SPICE1: variants seen among roughly 807,000 people sequenced by gnomAD.
SPICE1 encodes the protein spindle and centriole associated protein 1.
In SPICE1, 75 loss-of-function variants were observed where a neutral mutation model predicts 102.7. The ratio of observed to expected loss-of-function variants is 0.73; its 90% CI spans 0.61 to 0.88. SPICE1 has a LOEUF of 0.88. Ranked by LOEUF, SPICE1 falls within the 40% of genes least tolerant of loss-of-function variation. The pLI, the probability that SPICE1 is intolerant of heterozygous loss-of-function variation, is 0.00. For synonymous variants in SPICE1, 308 were observed against 350.3 expected (o/e 0.88, Z 1.35); for missense variants, 979 against 1,020.1 (o/e 0.96, Z 0.55).
chr3:113,477,996 T>A (rs558422944), intron 7 of SPICE1, among the ~76,000 whole-genome samples: 1 of 149,758 alleles, frequency 6.7e-6, no homozygotes, highest in Non-Finnish European at 1.5e-5. Flanking sequence ...AAAATTTAAC[T>A]GACATACCTG....
intron 1 of SPICE1, among the ~76,000 whole-genome samples, chr3:113,509,027 C>T (rs1419746491): frequency 6.6e-6 from 1 of 151,982 alleles, no homozygotes; most frequent in African/African-American, 2.4e-5. Context: ...TATGATGTGT[C>T]CAGAATAAGT....
At chr3:113,470,288 G>A (rs902607642) in intron 7 of SPICE1, among the ~76,000 whole-genome samples, 4 of 152,178 alleles carry the variant, frequency 2.6e-5, no homozygotes, top group African/African-American at 7.2e-5. Flanking sequence ...TAGTAAAGTC[G>A]CTGTTAGGAA....
chr3:113,474,413 G>C (rs1338636655), intron 7 of SPICE1, among the ~76,000 whole-genome samples: 2 of 152,106 alleles, frequency 1.3e-5, no homozygotes, highest in African/African-American at 4.8e-5. Context: ...CCCAGGAATT[G>C]AACTCAGCTC....
At chr3:113,450,152 G>A (rs141979831) in intron 15 of SPICE1, 184 bp downstream of exon 15, 259 of 618,432 alleles carry the variant, frequency 4.2e-4, no homozygotes, top group African/African-American at 4.0e-3. Flanking sequence ...ATAATCAGGA[G>A]ATCTGCCTTC....
chr3:113,469,554 A>G (rs1385750712), intron 7 of SPICE1, among the ~76,000 whole-genome samples: 1 of 147,588 alleles, frequency 6.8e-6, no homozygotes, highest in Non-Finnish European at 1.5e-5. Flanking sequence ...TATCTAATTT[A>G]TATGTATATT....
chr3:113,461,090 A>G (rs1935923242), intron 11 of SPICE1, among the ~76,000 whole-genome samples: 1 of 152,090 alleles, frequency 6.6e-6, no homozygotes, highest in Non-Finnish European at 1.5e-5. Context: ...ACCTCTTCAT[A>G]TAGATGTTTC....
intron 1 of SPICE1, among the ~76,000 whole-genome samples, chr3:113,511,294 T>A (rs976296232): frequency 6.6e-6 from 1 of 152,152 alleles, no homozygotes; most frequent in African/African-American, 2.4e-5. Context: ...CATTCAATTA[T>A]AAAGATACAC....
chr3:113,474,674 G>A lies in SPICE1; in HGVS notation c.612-5436C>T, dbSNP rs543794010. Among the ~76,000 whole-genome samples, 3 of 152,270 alleles carry A rather than the reference G, an allele frequency of 2.0e-5. No homozygotes were observed. The East Asian group carries it at 5.8e-4, about 29-fold the overall frequency. On this transcript the variant is annotated intron_variant, in intron 7 of 17. Coordinates refer to ENST00000295872, the MANE Select transcript of SPICE1 (RefSeq NM_144718.4). ...CAACTACGTGGAAACTGAACAACCT[G>A]CTCCTGAATGACTACTGGGTACATA...
At chr3:113,478,816 G>A (rs1365658824) in intron 7 of SPICE1, among the ~76,000 whole-genome samples, 3 of 151,824 alleles carry the variant, frequency 2.0e-5, no homozygotes, top group Non-Finnish European at 4.4e-5. Context: ...CACACACATG[G>A]AACATTTGTA....
intron 14 of SPICE1, among the ~76,000 whole-genome samples, chr3:113,451,322 T>TC (rs773287961): frequency 4.3e-4 from 65 of 151,566 alleles, no homozygotes; most frequent in Admixed American, 1.6e-3. Flanking sequence ...ATTTGAAAAT[T>TC]CCCCCCCCAA....
intron 7 of SPICE1, among the ~76,000 whole-genome samples, chr3:113,471,776 C>CA (rs937464960): frequency 5.3e-5 from 8 of 150,042 alleles, no homozygotes; most frequent in South Asian, 2.1e-4. Context: ...CTTATTAAAA[C>CA]AAAAAAAAAA....
chr3:113,453,684 T>C lies in SPICE1; in HGVS notation c.1924A>G (p.Thr642Ala), dbSNP rs1935712858. The C allele has an allele frequency of 1.2e-6, 2 of 1,614,038 alleles. No homozygotes were observed. The highest frequency in any genetic ancestry group is 1.7e-6 in the Non-Finnish European group (2 of 1,180,034). Residue 642 changes from threonine to alanine, a missense_variant, in exon 14 of 18, where the codon ACA becomes GCA. By Grantham distance (58) the Thr-to-Ala change is moderately conservative (BLOSUM62 0). Transcript: ENST00000295872. ...AGTACTGGGAGCTCTTCTGAGAATG[T>C]GGGGCTTCTTGACTGTTGAGTGTTG... ...HSNTQQSRSP[T>A]FSEELPVLGD...
rs1935454842 is a variant in SPICE1 at position 113,444,030 on chromosome 3, G to A, written c.*1277C>T. ...TGAGCAAGTTATTAGCAGCTTTCTGGGGCATACTGGAGAAGTCATATGTTA... is the reference window on the plus strand; with the variant it reads ...TGAGCAAGTTATTAGCAGCTTTCTGAGGCATACTGGAGAAGTCATATGTTA... On this transcript the variant is annotated 3_prime_UTR_variant, in exon 18 of 18. Transcript: ENST00000295872. 6.6e-6 allele frequency: 1 copy of A among 152,048 alleles called. No homozygotes were observed. The highest frequency in any genetic ancestry group is 2.4e-5 in the African/African-American group (1 of 41,376). 9.4% of individuals were successfully genotyped at this position (152,048 alleles called of 1,614,324 possible).
intron 7 of SPICE1, among the ~76,000 whole-genome samples, chr3:113,477,538 A>G (rs1433595348): frequency 6.6e-6 from 1 of 151,682 alleles, no homozygotes; most frequent in African/African-American, 2.4e-5. Flanking sequence ...AACCAACCCA[A>G]ATGTCCAACA....
intron 6 of SPICE1, among the ~76,000 whole-genome samples, chr3:113,491,964 G>A (rs1056555544): frequency 3.9e-5 from 6 of 152,084 alleles, no homozygotes; most frequent in South Asian, 4.1e-4. Flanking sequence ...GGGATACATC[G>A]TGTACTTGTT....
chr3:113,486,862 G>GATATATATATATAT (rs141247316), intron 7 of SPICE1, among the ~76,000 whole-genome samples: 1 of 144,010 alleles, frequency 6.9e-6, no homozygotes. Context: ...AAAATAAGGA[G>GATATATATATATAT]ATATATATAT....
At chr3:113,505,796 C>A (rs562864909) in intron 2 of SPICE1, among the ~76,000 whole-genome samples, 1 of 143,706 alleles carries the variant, frequency 7.0e-6, no homozygotes, top group East Asian at 2.0e-4. Context: ...GTCCTAGCTA[C>A]TCAGGAGGCT....
intron 3 of SPICE1, among the ~76,000 whole-genome samples, chr3:113,500,300 G>A (rs1038687236): frequency 2.0e-5 from 3 of 152,074 alleles, no homozygotes; most frequent in African/African-American, 7.2e-5. Flanking sequence ...GAACATATAT[G>A]ATAAAATGTA....
At chr3:113,506,077 A>G (rs1341923919) in intron 2 of SPICE1, among the ~76,000 whole-genome samples, 2 of 152,106 alleles carry the variant, frequency 1.3e-5, no homozygotes, top group Non-Finnish European at 2.9e-5. Context: ...AGCAAAGGTC[A>G]CCTATTTTTT....
Sources: gnomAD v4.1 joint callset for allele counts (sites outside exome capture counted in the v4.1 genomes callset) on GRCh38, gnomAD v4.1.1 for gene constraint, MANE v1.5 for transcripts, NCBI Gene and HGNC (gene_info 2026-07-23, HGNC 2026-07-21) for gene names.